HIBADH: variants seen among roughly 807,000 people sequenced by gnomAD.
HIBADH encodes 3-hydroxyisobutyrate dehydrogenase, mitochondrial.
Under a neutral mutation model 36.1 loss-of-function variants are expected in HIBADH, and 25 were observed. That is an observed-to-expected ratio of 0.69 (90% confidence interval 0.50 to 0.97). The LOEUF is 0.97. Ranked by LOEUF, HIBADH falls within the 50% of genes least tolerant of loss-of-function variation. The pLI is 0.00. For synonymous variants in HIBADH, 160 were observed against 149.5 expected (o/e 1.07, Z -0.51); for missense variants, 421 against 418.0 (o/e 1.01, Z -0.06).
At chr7:27,577,291 G>A (rs1784725762) in intron 4 of HIBADH, among the ~76,000 whole-genome samples, 1 of 151,776 alleles carries the variant, frequency 6.6e-6, no homozygotes, top group Admixed American at 6.6e-5. Flanking sequence ...ATCCTCCCAG[G>A]TAGCTGGGAT....
At chr7:27,595,251 T>G (rs1268274649) in intron 4 of HIBADH, among the ~76,000 whole-genome samples, 1 of 152,218 alleles carries the variant, frequency 6.6e-6, no homozygotes, top group Non-Finnish European at 1.5e-5. Context: ...GCGCAGTGGC[T>G]CACACCTATA....
intron 4 of HIBADH, among the ~76,000 whole-genome samples, chr7:27,593,066 C>G (rs903330105): frequency 3.9e-5 from 6 of 152,092 alleles, no homozygotes; most frequent in Non-Finnish European, 8.8e-5. Context: ...TAGGTAAATA[C>G]TCCTATGGTT....
chr7:27,538,554 A>C (rs1784101223), intron 5 of HIBADH, 137 bp from the exon 6 acceptor site: 1 of 708,206 alleles, frequency 1.4e-6, no homozygotes, highest in Non-Finnish European at 2.5e-6. Flanking sequence ...AGTGCGGAAG[A>C]GAACCTGATG....
At chr7:27,624,194 GAA>G (rs56357205) in intron 4 of HIBADH, among the ~76,000 whole-genome samples, 1 of 150,732 alleles carries the variant, frequency 6.6e-6, no homozygotes, top group African/African-American at 2.4e-5. Context: ...CACAATATCA[GAA>G]AAAAAAAAAT....
intron 2 of HIBADH, among the ~76,000 whole-genome samples, chr7:27,632,702 T>C (rs1368053242): frequency 1.3e-5 from 2 of 151,156 alleles, no homozygotes; most frequent in Non-Finnish European, 2.9e-5. Context: ...GAGTTGAGGG[T>C]AAAAGGGCAA....
At chr7:27,540,921 G>A (rs543168558) in intron 5 of HIBADH, among the ~76,000 whole-genome samples, 9 of 152,248 alleles carry the variant, frequency 5.9e-5, no homozygotes, top group South Asian at 4.1e-4. Context: ...GGTTCTCATC[G>A]TCCAGGCCTT....
In HIBADH at chr7:27,526,126, A is replaced by T; in HGVS notation, c.*88T>A. The T allele has an allele frequency of 8.5e-7, 1 of 1,173,624 alleles. No individual in the cohort carries two copies. Among genetic ancestry groups the T allele is most frequent in the Non-Finnish European group, 1.2e-6 (1 of 866,350 alleles). 72.7% of individuals were successfully genotyped at this position (1,173,624 alleles called of 1,614,324 possible). On this transcript the variant is annotated 3_prime_UTR_variant, in exon 8 of 8. Transcript: ENST00000265395. Reference sequence around the variant, plus strand: ...ATCAAAAGCAGATAGGTGACCTTTGATTAAATCCATTTACTTGTGGAGTGA... The same window carrying T: ...ATCAAAAGCAGATAGGTGACCTTTGTTTAAATCCATTTACTTGTGGAGTGA...
At chr7:27,661,002 G>A (rs747884752) in intron 1 of HIBADH, among the ~76,000 whole-genome samples, 6 of 152,288 alleles carry the variant, frequency 3.9e-5, no homozygotes, top group Non-Finnish European at 8.8e-5. Context: ...TGTCTTCCTT[G>A]GCTAATGGGA....
chr7:27,588,204 G>A (rs1343929446), intron 4 of HIBADH, among the ~76,000 whole-genome samples: 1 of 152,216 alleles, frequency 6.6e-6, no homozygotes, highest in African/African-American at 2.4e-5. Flanking sequence ...TAAAGCTTAT[G>A]GACAATGGAG....
chr7:27,642,026 G>C (rs1785970100), intron 2 of HIBADH, among the ~76,000 whole-genome samples: 1 of 152,178 alleles, frequency 6.6e-6, no homozygotes, highest in Non-Finnish European at 1.5e-5. Context: ...TATTGGGGGA[G>C]GAGTGGCAAC....
rs1303524130 is a variant in HIBADH, at chr7:27,543,000, G to A, written c.585C>T (p.Asn195=). The A allele has an allele frequency of 4.3e-6, 7 of 1,613,616 alleles. No homozygotes were observed. The highest frequency in any genetic ancestry group is 1.1e-5 in the South Asian group (1 of 91,072). ...AQELLGCMGS[N]VVYCGAVGTG... is the part of the protein sequence containing the mutation. Reference sequence around the variant, plus strand: ...TCCCAACAGCTCCACAGTACACCACGTTGGAGCCCATGCACCCCAGCAACT... The same window carrying A: ...TCCCAACAGCTCCACAGTACACCACATTGGAGCCCATGCACCCCAGCAACT... The change falls in exon 5 of 8, where the codon AAC becomes AAT. Residue 195 remains asparagine, a synonymous_variant. Coordinates refer to ENST00000265395, the MANE Select transcript of HIBADH (RefSeq NM_152740.4).
chr7:27,645,152 C>T (rs897787490), intron 2 of HIBADH, among the ~76,000 whole-genome samples: 1 of 151,716 alleles, frequency 6.6e-6, no homozygotes, highest in Non-Finnish European at 1.5e-5. Context: ...TTTTTTATTT[C>T]TCTTGGGTAT....
intron 2 of HIBADH, among the ~76,000 whole-genome samples, chr7:27,642,515 CTG>C (rs1785977111): frequency 6.6e-6 from 1 of 152,192 alleles, no homozygotes; most frequent in South Asian, 2.1e-4. Flanking sequence ...CAAGCTATCT[CTG>C]TTGACCTAAA....
chr7:27,532,155 T>C (rs767260437), intron 6 of HIBADH, among the ~76,000 whole-genome samples: 12 of 152,200 alleles, frequency 7.9e-5, no homozygotes, highest in African/African-American at 2.7e-4. Context: ...GAAAAAATAA[T>C]AGAATCAAAA....
chr7:27,630,663 G>C (rs187269726), intron 3 of HIBADH, among the ~76,000 whole-genome samples: 2 of 152,102 alleles, frequency 1.3e-5, no homozygotes, highest in Non-Finnish European at 2.9e-5. Flanking sequence ...CACTCTAGGA[G>C]GCCAAGGCAG....
chr7:27,535,021 T>A (rs1784053014), intron 6 of HIBADH, among the ~76,000 whole-genome samples: 2 of 147,712 alleles, frequency 1.4e-5, no homozygotes, highest in African/African-American at 5.0e-5. Context: ...AGTTGACTAT[T>A]AAGTAGGTGG....
chr7:27,645,368 A>ATGTTTTTT (rs1554300959), intron 2 of HIBADH, among the ~76,000 whole-genome samples: 1,495 of 59,610 alleles, frequency 0.025, 433 homozygotes, highest in African/African-American at 0.06. Context: ...CATGGTTTTG[A>ATGTTTTTT]TTTTTTTTTT....
intron 1 of HIBADH, among the ~76,000 whole-genome samples, chr7:27,660,426 G>A (rs912457018): frequency 4.3e-4 from 66 of 152,368 alleles, no homozygotes; most frequent in African/African-American, 1.6e-3. Context: ...CACTCTGGGA[G>A]GCCAAGGCGG....
rs750152665 is a variant in HIBADH, at chr7:27,616,824, GA to G, written c.484+12546del. On this transcript the variant is annotated intron_variant, in intron 4 of 7. Transcript: ENST00000265395. ...AAAAAAAAAAAATTTTTAATTAATAGAAAAAAAGCTTATAAAATAAGAATAT... is the reference window on the plus strand; with the variant it reads ...AAAAAAAAAAAATTTTTAATTAATAGAAAAAAGCTTATAAAATAAGAATAT... 2.6e-3 allele frequency among the ~76,000 whole-genome samples: 393 copies of G among 151,462 alleles called. 2 individuals are homozygous for G. The highest frequency in any genetic ancestry group is 2.7e-3 in the Non-Finnish European group (181 of 67,894).
Sources: gnomAD v4.1 joint callset for allele counts (sites outside exome capture counted in the v4.1 genomes callset) on GRCh38, gnomAD v4.1.1 for gene constraint, MANE v1.5 for transcripts, NCBI Gene and HGNC (gene_info 2026-07-23, HGNC 2026-07-21) for gene names.